Variants in PIK3R3 observed in about 807,000 individuals in gnomAD.
The protein encoded by PIK3R3 is phosphoinositide-3-kinase regulatory subunit 3, also known as phosphatidylinositol 3-kinase regulatory subunit gamma.
PIK3R3 carries 64 observed loss-of-function variants against 62.9 expected under a neutral mutation model. The observed-to-expected ratio is 1.02, with a 90% CI of 0.83 to 1.25. The LOEUF (loss-of-function observed/expected upper bound fraction) is 1.25. PIK3R3 is among the 50% of genes most tolerant of loss of function. The probability of loss-of-function intolerance (pLI) is 0.00; values close to 1 mark genes in which losing one functional copy is unlikely to be tolerated. For missense variants in PIK3R3, 614 were observed against 561.6 expected (o/e 1.09, Z -0.94); for synonymous variants, 165 against 189.0 (o/e 0.87, Z 1.04).
chr1:46,096,810 C>T (rs1445087188), intron 1 of PIK3R3, among the ~76,000 whole-genome samples: 1 of 148,706 alleles, frequency 6.7e-6, no homozygotes, highest in Non-Finnish European at 1.5e-5. Flanking sequence ...CACTGCACTC[C>T]ATCCTGGGCA....
Position 46,132,339 on chromosome 1 carries a change from A to G in PIK3R3, c.-387T>C. 9.0e-7 allele frequency: 1 copy of G among 1,105,006 alleles called. No homozygotes were observed. The highest frequency in any genetic ancestry group is 2.2e-5 in the South Asian group (1 of 45,658). 68.5% of individuals were successfully genotyped at this position (1,105,006 alleles called of 1,614,324 possible). A position where few individuals can be genotyped will look rare whatever the true frequency, so the allele number is the denominator to read the frequency against. ...CTTTTGTGTCCTTCGAAGGAGGGAG[A>G]ATGAAGAGGAAAAAAAAGAACACGT... On this transcript the variant is annotated 5_prime_UTR_variant, in exon 1 of 10. Transcript: ENST00000262741.
upstream of PIK3R3, among the ~76,000 whole-genome samples, chr1:46,136,667 C>T (rs1420412252): frequency 6.6e-6 from 1 of 152,152 alleles, no homozygotes; most frequent in Non-Finnish European, 1.5e-5. Context: ...TTTGAGGCCT[C>T]ACTTATACAC....
In PIK3R3 at chr1:46,132,196, G is replaced by C. The variant is rs1655672626; in HGVS notation, c.-244C>G. On this transcript the variant is annotated 5_prime_UTR_variant, in exon 1 of 10. Coordinates refer to ENST00000262741, the MANE Select transcript of PIK3R3 (RefSeq NM_003629.4). Reference sequence around the variant, plus strand: ...GCTTTTCTCCTCAGAGGATTACACAGAGGCTTGGGGGACGGAGAGCAGAGG... The same window carrying C: ...GCTTTTCTCCTCAGAGGATTACACACAGGCTTGGGGGACGGAGAGCAGAGG... The C allele has an allele frequency of 3.2e-6, 4 of 1,264,244 alleles. No individual in the cohort carries two copies. Among genetic ancestry groups the C allele is most frequent in the Non-Finnish European group, 4.0e-6 (4 of 998,428 alleles). 78.3% of individuals were successfully genotyped at this position (1,264,244 alleles called of 1,614,324 possible).
At chr1:46,092,317 A>G (rs561795491) in intron 1 of PIK3R3, among the ~76,000 whole-genome samples, 1 of 152,326 alleles carries the variant, frequency 6.6e-6, no homozygotes, top group East Asian at 1.9e-4. Flanking sequence ...TAGAATAAGA[A>G]TCACATTCCT....
At chr1:46,171,025 T>A in the PIK3R3 span, among the ~76,000 whole-genome samples, 1 of 152,384 alleles carries the variant, frequency 6.6e-6, no homozygotes. Context: ...CATGATTTTT[T>A]AAAATTGTGT....
At chr1:46,054,985 C>T (rs959498785) in intron 7 of PIK3R3, among the ~76,000 whole-genome samples, 27 of 152,096 alleles carry the variant, frequency 1.8e-4, no homozygotes, top group Non-Finnish European at 1.8e-4. Flanking sequence ...TCACTGCAAC[C>T]TCTGCCTCCC....
rs41302776 is a variant in PIK3R3 at position 46,040,672 on chromosome 1, G to A, written c.*3001C>T. The A allele has an allele frequency of 0.038, 7,967 of 211,824 alleles. 196 individuals are homozygous for A. Among genetic ancestry groups the A allele is most frequent in the Middle Eastern group, 0.079 (53 of 670 alleles). The allele number at this position is 211,824 out of a possible 1,614,324, so 13.1% of individuals were successfully genotyped here. A position where few individuals can be genotyped will look rare whatever the true frequency, so the allele number is the denominator to read the frequency against. On this transcript the variant is annotated 3_prime_UTR_variant, in exon 10 of 10. Coordinates refer to ENST00000262741, the MANE Select transcript of PIK3R3 (RefSeq NM_003629.4). ...CTTAGAAAACAGGAATTGCCCAGGTGCAATTCTCAGTTTAAGAGAACACAT... is the reference window on the plus strand; with the variant it reads ...CTTAGAAAACAGGAATTGCCCAGGTACAATTCTCAGTTTAAGAGAACACAT...
intron 1 of PIK3R3, among the ~76,000 whole-genome samples, chr1:46,106,020 G>A (rs1326337240): frequency 6.6e-6 from 1 of 152,104 alleles, no homozygotes; most frequent in East Asian, 1.9e-4. Context: ...GGCAATTATA[G>A]GCATCTCAAA....
intron 1 of PIK3R3, among the ~76,000 whole-genome samples, chr1:46,102,826 A>T (rs887991862): frequency 6.6e-6 from 1 of 150,394 alleles, no homozygotes; most frequent in East Asian, 2.0e-4. Context: ...AAAAAAAAAA[A>T]AAAAACCTGA....
rs60059325 is a variant in PIK3R3 at position 46,114,771 on chromosome 1, A to ATTTTT, written c.106+17071_106+17075dup. On this transcript the variant is annotated intron_variant, in intron 1 of 9. Transcript: ENST00000262741. ...AGGCATACACCACCAAGCCTCACTA[A>ATTTTT]TTTTTTTTTTTTTTTTTTTTTTTGG... 7.0e-5 allele frequency among the ~76,000 whole-genome samples: 7 copies of ATTTTT among 99,298 alleles called. 1 individual carries two copies. Among genetic ancestry groups the ATTTTT allele is most frequent in the East Asian group, 3.1e-4 (1 of 3,244 alleles). 65.1% of individuals were successfully genotyped at this position (99,298 alleles called of 152,430 possible).
intron 8 of PIK3R3, 26 bp downstream of exon 8, chr1:46,046,525 G>C: frequency 4.0e-6 from 6 of 1,491,078 alleles, no homozygotes; most frequent in Non-Finnish European, 5.6e-6. Context: ...AAAGCCCTCT[G>C]ACAGAAAGGT....
chr1:46,077,657 G>C (rs757608895), intron 2 of PIK3R3, 44 bp from the exon 3 acceptor site: 1 of 1,237,246 alleles, frequency 8.1e-7, no homozygotes, highest in East Asian at 2.3e-5. Flanking sequence ...TGTCAACACT[G>C]GTGGCTTCGG....
At chr1:46,047,556 T>C (rs1259861762) in intron 7 of PIK3R3, among the ~76,000 whole-genome samples, 2 of 151,966 alleles carry the variant, frequency 1.3e-5, no homozygotes, top group Non-Finnish European at 2.9e-5. Context: ...AGATGGCCAA[T>C]AGTCTAAAAC....
chr1:46,089,714 CAAAA>C (rs554079868), intron 1 of PIK3R3, among the ~76,000 whole-genome samples: 5 of 63,204 alleles, frequency 7.9e-5, no homozygotes, highest in Admixed American at 1.8e-4. Flanking sequence ...GACTCCATCT[CAAAA>C]AAAAAAAAAA....
chr1:46,043,724 G>A lies in PIK3R3; in HGVS notation c.1335C>T (p.Asn445=), dbSNP rs754105600. The A allele has an allele frequency of 2.0e-5, 32 of 1,614,120 alleles. No individual in the cohort carries two copies. The highest frequency in any genetic ancestry group is 1.3e-4 in the East Asian group (6 of 44,902). Reference sequence around the variant, plus strand: ...CATGAACAGGGTAGGCAAGCCTGACGTTGAGGGAGTCGTTGTGCTGAACCA... The same window carrying A: ...CATGAACAGGGTAGGCAAGCCTGACATTGAGGGAGTCGTTGTGCTGAACCA... ...TSLVQHNDSL[N]VRLAYPVHAQ... The change falls in exon 10 of 10, where the codon AAC becomes AAT. Residue 445 remains asparagine, a synonymous_variant. Coordinates refer to ENST00000262741, the MANE Select transcript of PIK3R3 (RefSeq NM_003629.4).
intron 3 of PIK3R3, among the ~76,000 whole-genome samples, chr1:46,073,556 TC>T (rs1039140090): frequency 1.3e-5 from 2 of 152,182 alleles, no homozygotes; most frequent in Non-Finnish European, 2.9e-5. Flanking sequence ...ATCAGACACT[TC>T]CAGCTGGCTC....
the PIK3R3 span, among the ~76,000 whole-genome samples, chr1:46,174,068 T>C: frequency 2.0e-5 from 3 of 152,188 alleles, no homozygotes; most frequent in Non-Finnish European, 4.4e-5. Flanking sequence ...TCTGTGTTCA[T>C]TTAGAGGCAT....
In PIK3R3 at chr1:46,045,929, A is replaced by C; in HGVS notation, c.1176T>G (p.Ala392=). 6.2e-7 allele frequency: 1 copy of C among 1,613,368 alleles called. No homozygotes were observed. Among genetic ancestry groups the C allele is most frequent in the South Asian group, 1.1e-5 (1 of 91,016 alleles). Residue 392 remains alanine, a synonymous_variant, in exon 9 of 10, where the codon GCT becomes GCG. Coordinates refer to ENST00000262741, the MANE Select transcript of PIK3R3 (RefSeq NM_003629.4). Reference sequence around the variant, plus strand: ...CAGAGAAGACTTACACCACAGAGCAAGCATAGCATCCTTTCTTGCTACTCT... The same window carrying C: ...CAGAGAAGACTTACACCACAGAGCACGCATAGCATCCTTTCTTGCTACTCT... ...IRESSKKGCY[A]CSVVADGEVK...
At chr1:46,077,192 G>A (rs1650142123) in intron 3 of PIK3R3, among the ~76,000 whole-genome samples, 2 of 152,126 alleles carry the variant, frequency 1.3e-5, no homozygotes, top group African/African-American at 4.8e-5. Context: ...TTATTCAAAG[G>A]ATAGATTCAT....
Sources: allele counts gnomAD v4.1 joint callset (sites outside exome capture counted in the v4.1 genomes callset), GRCh38; gene constraint gnomAD v4.1.1; transcripts MANE v1.5; gene names NCBI Gene and HGNC (gene_info 2026-07-23, HGNC 2026-07-21).